MYO16: variants seen among roughly 807,000 people sequenced by gnomAD.
MYO16 encodes the protein myosin XVI.
Under a neutral mutation model 205.3 loss-of-function variants are expected in MYO16, and 94 were observed. The ratio of observed to expected loss-of-function variants is 0.46; its 90% CI spans 0.39 to 0.54. The LOEUF (loss-of-function observed/expected upper bound fraction) is 0.54. MYO16 is among the 20% of genes least tolerant of loss of function. The pLI is 0.00. For synonymous variants in MYO16, 988 were observed against 954.0 expected (o/e 1.04, Z -0.66); for missense variants, 2,315 against 2,387.5 (o/e 0.97, Z 0.63).
At chr13:108,906,521 A>G (rs553212575) in intron 15 of MYO16, among the ~76,000 whole-genome samples, 4 of 152,314 alleles carry the variant, frequency 2.6e-5, no homozygotes, top group African/African-American at 9.6e-5. Context: ...ATCATCAATT[A>G]GTCTTAGAAT....
At chr13:108,873,212 T>C (rs941913024) in intron 12 of MYO16, among the ~76,000 whole-genome samples, 1 of 152,208 alleles carries the variant, frequency 6.6e-6, no homozygotes. Context: ...CCCATGTCAA[T>C]TACTTTACAA....
At chr13:108,729,662 T>G (rs1884458593) in intron 4 of MYO16, among the ~76,000 whole-genome samples, 1 of 152,218 alleles carries the variant, frequency 6.6e-6, no homozygotes. Context: ...TTCATATGGT[T>G]GTGCTTAAAA....
chr13:108,819,256 T>C (rs1358407876), intron 7 of MYO16, among the ~76,000 whole-genome samples: 2 of 152,210 alleles, frequency 1.3e-5, no homozygotes, highest in South Asian at 2.1e-4. Flanking sequence ...GTGATATATT[T>C]GTACAATACT....
intron 32 of MYO16, among the ~76,000 whole-genome samples, chr13:109,142,100 C>A (rs914257593): frequency 6.6e-6 from 1 of 152,158 alleles, no homozygotes; most frequent in African/African-American, 2.4e-5. Flanking sequence ...ATGTACCTGG[C>A]AAAATAAGAT....
upstream of MYO16, among the ~76,000 whole-genome samples, chr13:108,595,079 T>C (rs1382140469): frequency 6.6e-6 from 1 of 152,220 alleles, no homozygotes; most frequent in Non-Finnish European, 1.5e-5. Flanking sequence ...ACATACTGCA[T>C]GGGTATTTTG....
chr13:108,710,964 A>T (rs1883696325), intron 2 of MYO16, among the ~76,000 whole-genome samples: 1 of 152,248 alleles, frequency 6.6e-6, no homozygotes, highest in Admixed American at 6.5e-5. Flanking sequence ...TGAGGAAACC[A>T]TTGGCAAATG....
chr13:108,959,840 A>T lies in MYO16; in HGVS notation c.2038-1699A>T, dbSNP rs570353782. Reference sequence around the variant, plus strand: ...TTTGTCATAGGGTCCACCACACTGTAATGCACATTATAGCTATTTTCACAG... The same window carrying T: ...TTTGTCATAGGGTCCACCACACTGTTATGCACATTATAGCTATTTTCACAG... On this transcript the variant is annotated intron_variant, in intron 17 of 34. Transcript: ENST00000457511. Among the ~76,000 whole-genome samples, 3 of 152,262 alleles carry T rather than the reference A, an allele frequency of 2.0e-5. No individual in the cohort carries two copies. In the South Asian group the frequency reaches 6.2e-4, roughly 32 times the overall value.
intron 15 of MYO16, among the ~76,000 whole-genome samples, chr13:108,903,566 G>T (rs554350631): frequency 1.3e-5 from 2 of 152,218 alleles, no homozygotes; most frequent in Non-Finnish European, 1.5e-5. Context: ...AAGAGTAACA[G>T]AGATCTATTG....
rs1416733938 is a variant in MYO16 at position 109,127,938 on chromosome 13, G to A, written c.4051+388G>A. On this transcript the variant is annotated intron_variant, in intron 31 of 34. Transcript: ENST00000457511. This position sits in a 1 kb window ranked among gnomAD's most constrained non-coding sequence, Gnocchi z 4.2. ...AAAAATTAAGACTGCTTCATCATATGATAAGTGAAATTATTTACCCATAGG... is the reference window on the plus strand; with the variant it reads ...AAAAATTAAGACTGCTTCATCATATAATAAGTGAAATTATTTACCCATAGG... 6.6e-6 allele frequency among the ~76,000 whole-genome samples: 1 copy of A among 151,182 alleles called. No individual in the cohort carries two copies.
chr13:108,758,187 G>A (rs1447429843), intron 4 of MYO16, among the ~76,000 whole-genome samples: 3 of 152,176 alleles, frequency 2.0e-5, no homozygotes, highest in Non-Finnish European at 4.4e-5. Context: ...AGAACTGTGA[G>A]AAATAAATTT....
intron 1 of MYO16, among the ~76,000 whole-genome samples, chr13:108,656,076 T>G (rs1254182755): frequency 6.6e-6 from 1 of 152,068 alleles, no homozygotes; most frequent in African/African-American, 2.4e-5. Context: ...TTTTGAAATG[T>G]GAGGACATGA....
chr13:108,853,591 T>C (rs961243529), intron 10 of MYO16, among the ~76,000 whole-genome samples: 1 of 139,088 alleles, frequency 7.2e-6, no homozygotes, highest in Middle Eastern at 3.9e-3. Context: ...ATTTCTGAGA[T>C]CTAGATTTTT....
At chr13:108,917,510 T>A (rs944220889) in intron 16 of MYO16, among the ~76,000 whole-genome samples, 11 of 152,370 alleles carry the variant, frequency 7.2e-5, no homozygotes, top group Admixed American at 2.6e-4. Flanking sequence ...TTAGTAACTC[T>A]GGCCAAACTT....
rs1209275642 is a variant in MYO16 at position 109,141,288 on chromosome 13, C to A, written c.5076C>A (p.Ser1692Arg). The A allele has an allele frequency of 5.0e-6, 8 of 1,597,354 alleles. No individual in the cohort carries two copies. The highest frequency in any genetic ancestry group is 6.8e-6 in the Non-Finnish European group (8 of 1,172,468). ...CTCCCAGCTCCAGGCCTCTCAGCAG[C>A]CCCCTGGACGAGCTCGCCAGCCTCT... ...YSPPSSRPLS[S>R]PLDELASLFN... The change falls in exon 32 of 35, where the codon AGC (serine) becomes AGA (arginine). Residue 1692 changes from serine to arginine, a missense_variant. Transcript: ENST00000457511. The surrounding 1 kb of genome is among the most constrained non-coding windows in gnomAD (Gnocchi z 4.1).
intron 6 of MYO16, among the ~76,000 whole-genome samples, chr13:108,794,985 A>G (rs1886740452): frequency 6.6e-6 from 1 of 152,142 alleles, no homozygotes. Context: ...ATATTTTTAC[A>G]TTTATTAAAT....
At chr13:109,019,581 T>G in intron 22 of MYO16, 130 bp from the exon 23 acceptor site, 2 of 692,440 alleles carry the variant, frequency 2.9e-6, no homozygotes, top group Non-Finnish European at 4.8e-6. Context: ...TATATTAAGG[T>G]AAAGACTGAT....
At chr13:108,616,990 C>G (rs1218853461) in intron 1 of MYO16, among the ~76,000 whole-genome samples, 1 of 152,088 alleles carries the variant, frequency 6.6e-6, no homozygotes, top group Non-Finnish European at 1.5e-5. Flanking sequence ...ATTTTGTGAC[C>G]TGATCTCTGA....
intron 22 of MYO16, among the ~76,000 whole-genome samples, chr13:109,019,163 G>C (rs1201942028): frequency 1.3e-5 from 2 of 151,900 alleles, no homozygotes; most frequent in Non-Finnish European, 1.5e-5. Context: ...TTTTTAAATA[G>C]AGATGAGGTC....
At chr13:108,703,339 T>C (rs1012176237) in intron 2 of MYO16, among the ~76,000 whole-genome samples, 1 of 152,214 alleles carries the variant, frequency 6.6e-6, no homozygotes, top group Non-Finnish European at 1.5e-5. Context: ...AAGGACATTA[T>C]ATAGTGATAA....
Sources: gnomAD v4.1 joint callset for allele counts (sites outside exome capture counted in the v4.1 genomes callset) on GRCh38, gnomAD v4.1.1 for gene constraint, Gnocchi (gnomAD v3.1) non-coding constraint, MANE v1.5 for transcripts, NCBI Gene and HGNC (gene_info 2026-07-23, HGNC 2026-07-21) for gene names.